The following CPD variants were observed in gnomAD, a reference collection of about 807,000 sequenced individuals.
The protein encoded by CPD is metallocarboxypeptidase D.
CPD carries 69 observed loss-of-function variants against 138.3 expected under a neutral mutation model. That is an observed-to-expected ratio of 0.50 (90% CI 0.41 to 0.61). The LOEUF (loss-of-function observed/expected upper bound fraction) is 0.61. CPD is among the 20% of genes least tolerant of loss of function. The probability of loss-of-function intolerance (pLI) is 0.00; values close to 1 mark genes in which losing one functional copy is unlikely to be tolerated. For missense variants in CPD, 1,432 were observed against 1,733.3 expected (o/e 0.83, Z 3.09); for synonymous variants, 651 against 642.1 (o/e 1.01, Z -0.21).
chr17:30,455,538 C>T, intron 15 of CPD, 68 bp downstream of exon 15: 1 of 1,522,292 alleles, frequency 6.6e-7, no homozygotes, highest in Non-Finnish European at 8.9e-7. Flanking sequence ...TAAGTAATGT[C>T]CCTTCCACAT....
intron 2 of CPD, among the ~76,000 whole-genome samples, chr17:30,393,990 T>A (rs1911424799): frequency 6.6e-6 from 1 of 151,428 alleles, no homozygotes; most frequent in Non-Finnish European, 1.5e-5. Flanking sequence ...CAAAAATTAG[T>A]GGGGCATGGT....
At chr17:30,428,361 C>T (rs1431639290) in intron 7 of CPD, among the ~76,000 whole-genome samples, 3 of 152,180 alleles carry the variant, frequency 2.0e-5, no homozygotes, top group East Asian at 1.9e-4. Flanking sequence ...ATGTACAGTG[C>T]TCATGTATAT....
intron 2 of CPD, among the ~76,000 whole-genome samples, chr17:30,411,218 G>A (rs552126292): frequency 1.3e-5 from 2 of 152,292 alleles, no homozygotes; most frequent in Non-Finnish European, 2.9e-5. Flanking sequence ...GGTTTCTGAC[G>A]AGAGATCTGC....
intron 13 of CPD, 64 bp from the exon 14 acceptor site, chr17:30,451,647 A>C: frequency 6.7e-7 from 1 of 1,482,598 alleles, no homozygotes; most frequent in South Asian, 1.2e-5. Context: ...TGTTTGAGGC[A>C]TGAGAGGGTA....
Position 30,380,678 on chromosome 17 carries a change from TG to T in CPD, c.746+953del, listed in dbSNP as rs1911016929. The T allele has an allele frequency of 5.7e-6, 8 of 1,409,646 alleles. No homozygotes were observed. The South Asian group carries it at 1.0e-4, about 18-fold the overall frequency. 87.3% of individuals were successfully genotyped at this position (1,409,646 alleles called of 1,614,324 possible). Reference sequence around the variant, plus strand: ...GTACCCAGTTAAACTTTACAGGAATTGTTCCCACTGGCAAGATGTGTGTGGG... The same window carrying T: ...GTACCCAGTTAAACTTTACAGGAATTTTCCCACTGGCAAGATGTGTGTGGG... On this transcript the variant is annotated intron_variant, in intron 1 of 20. Coordinates refer to ENST00000225719, the MANE Select transcript of CPD (RefSeq NM_001304.5).
intron 17 of CPD, among the ~76,000 whole-genome samples, chr17:30,459,234 A>AT (rs938182464): frequency 1.3e-5 from 1 of 77,096 alleles, no homozygotes; most frequent in East Asian, 3.5e-4. Flanking sequence ...TTTATTATTT[A>AT]TTTTTTTATT....
At chr17:30,436,270 G>A (rs1912697244) in intron 8 of CPD, among the ~76,000 whole-genome samples, 1 of 152,094 alleles carries the variant, frequency 6.6e-6, no homozygotes. Flanking sequence ...CTATGATCAT[G>A]CCACTGCACT....
intron 8 of CPD, 100 bp downstream of exon 8, chr17:30,431,981 TAATA>T (rs1597723228): frequency 1.3e-6 from 1 of 764,686 alleles, no homozygotes; most frequent in East Asian, 2.7e-5. Context: ...CTTCCATAGT[TAATA>T]AAGCATGACT....
chr17:30,464,371 G>A (rs1415407760), intron 20 of CPD, among the ~76,000 whole-genome samples: 1 of 151,952 alleles, frequency 6.6e-6, no homozygotes. Context: ...AATATAGGAG[G>A]TTTTTTGGTT....
chr17:30,446,620 G>C (rs1020663528), intron 12 of CPD, among the ~76,000 whole-genome samples: 1 of 152,156 alleles, frequency 6.6e-6, no homozygotes, highest in Non-Finnish European at 1.5e-5. Flanking sequence ...ATTGTGAATA[G>C]TGCCACAATA....
rs1037627210 is a variant in CPD, at chr17:30,447,991, T to C, written c.2874-1562T>C. Among the ~76,000 whole-genome samples the C allele has an allele frequency of 2.0e-5, 3 of 152,364 alleles. No homozygotes were observed. In the East Asian group the frequency reaches 5.8e-4, roughly 29 times the overall value. On this transcript the variant is annotated intron_variant, in intron 12 of 20. Transcript: ENST00000225719. ...ATTATTTAGCCTTTTACCTTTTTAC[T>C]TTGTCTTTCTTCATGGGTCCTTTTA...
At chr17:30,383,452 T>C (rs1174344125) in intron 1 of CPD, among the ~76,000 whole-genome samples, 1 of 152,246 alleles carries the variant, frequency 6.6e-6, no homozygotes, top group Admixed American at 6.5e-5. Context: ...GGAGACGGAA[T>C]GTTCTTACCC....
At chr17:30,427,269 T>G (rs1195570820) in intron 6 of CPD, 122 bp from the exon 7 acceptor site, 9 of 744,612 alleles carry the variant, frequency 1.2e-5, no homozygotes, top group Non-Finnish European at 2.0e-5. Flanking sequence ...CATAGGTGAT[T>G]GATAATAGCG....
rs1042561483 is a variant in CPD at position 30,424,730 on chromosome 17, A to G, written c.1849+1033A>G. On this transcript the variant is annotated intron_variant, in intron 6 of 20. Transcript: ENST00000225719. ...GCAAGCCCATCTCTCCTGGGGCGTT[A>G]TAGTGTGGGATGGGACAGCAGACCC... Among the ~76,000 whole-genome samples, 3 of 152,166 alleles carry G rather than the reference A, an allele frequency of 2.0e-5. 1 individual carries two copies. The highest frequency in any genetic ancestry group is 7.2e-5 in the African/African-American group (3 of 41,448).
rs1183891338 is a variant in CPD at position 30,420,990 on chromosome 17, G to A, written c.1137+7G>A. ...GATCACATTGATTGAAAAGGTAAAAGTAGATGACTGGAATGTTGGGGTATA... is the reference window on the plus strand; with the variant it reads ...GATCACATTGATTGAAAAGGTAAAAATAGATGACTGGAATGTTGGGGTATA... On this transcript the variant is annotated splice_region_variant and intron_variant, in intron 3 of 20. Coordinates refer to ENST00000225719, the MANE Select transcript of CPD (RefSeq NM_001304.5). 2 of 1,611,904 alleles carry A rather than the reference G, an allele frequency of 1.2e-6. No individual in the cohort carries two copies. The highest frequency in any genetic ancestry group is 4.5e-5 in the East Asian group (2 of 44,840).
chr17:30,456,796 G>A (rs1425378909), intron 17 of CPD: 5 of 278,430 alleles, frequency 1.8e-5, no homozygotes, highest in South Asian at 1.6e-4. Flanking sequence ...GAGTCGAGCC[G>A]AGATCGCACT....
Position 30,448,304 on chromosome 17 carries a change from G to A in CPD, c.2874-1249G>A, listed in dbSNP as rs533263519. 2.6e-5 allele frequency among the ~76,000 whole-genome samples: 4 copies of A among 152,022 alleles called. No individual in the cohort carries two copies. In the South Asian group the frequency reaches 6.2e-4, roughly 24 times the overall value. ...CTTGAGGCCAGGAGCTCCAGTTTAC[G>A]TTGAACTATGATCACACCACTGTAC... is the stretch of plus-strand genomic sequence containing the variant. On this transcript the variant is annotated intron_variant, in intron 12 of 20. Coordinates refer to ENST00000225719, the MANE Select transcript of CPD (RefSeq NM_001304.5).
chr17:30,385,964 G>A (rs183819301), intron 2 of CPD, among the ~76,000 whole-genome samples: 1 of 151,938 alleles, frequency 6.6e-6, no homozygotes, highest in Non-Finnish European at 1.5e-5. Flanking sequence ...AGCTGCAAGT[G>A]GCCAAGTTGG....
At chr17:30,394,116 C>CTTTT (rs35779169) in intron 2 of CPD, among the ~76,000 whole-genome samples, 1 of 40,858 alleles carries the variant, frequency 2.4e-5, no homozygotes, top group Non-Finnish European at 4.4e-5. Flanking sequence ...GCACTCCAGC[C>CTTTT]TTTTTTTTTT....
Sources: allele counts gnomAD v4.1 joint callset (sites outside exome capture counted in the v4.1 genomes callset), GRCh38; gene constraint gnomAD v4.1.1; transcripts MANE v1.5; gene names NCBI Gene and HGNC (gene_info 2026-07-23, HGNC 2026-07-21).